The following CFAP20DC variants were observed in gnomAD, a reference collection of about 807,000 sequenced individuals.
CFAP20DC encodes the protein protein CFAP20DC.
In CFAP20DC, 84 loss-of-function variants were observed where a neutral mutation model predicts 101.7. The ratio of observed to expected loss-of-function variants is 0.83; its 90% CI spans 0.69 to 0.99. The LOEUF (loss-of-function observed/expected upper bound fraction) is 0.99, where lower values mean the gene tolerates loss of function less well. CFAP20DC is among the 50% of genes least tolerant of loss of function. The pLI, the probability that CFAP20DC is intolerant of heterozygous loss-of-function variation, is 0.00. For missense variants in CFAP20DC, 1,007 were observed against 970.3 expected (o/e 1.04, Z -0.50); for synonymous variants, 359 against 351.2 (o/e 1.02, Z -0.25).
intron 13 of CFAP20DC, among the ~76,000 whole-genome samples, chr3:58,836,155 C>G (rs1559674571): frequency 6.6e-6 from 1 of 152,116 alleles, no homozygotes; most frequent in African/African-American, 2.4e-5. Context: ...AGTGAAGTTA[C>G]AAAGACAATT....
At position 59,002,637 on chromosome 3, in the gene CFAP20DC, T is replaced by C. The variant is rs1313982984; in HGVS notation, c.278+36920A>G. On this transcript the variant is annotated intron_variant, in intron 4 of 16. Transcript: ENST00000482387. This position sits in a 1 kb window ranked among gnomAD's most constrained non-coding sequence, Gnocchi z 4.5. ...TCTCAACCACAAATCTGATCTGATA[T>C]GTCTGGTGTTATCTCCAAGTGCAGC... Among the ~76,000 whole-genome samples the C allele has an allele frequency of 1.3e-5, 2 of 152,230 alleles. No homozygotes were observed. The highest frequency in any genetic ancestry group is 2.4e-5 in the African/African-American group (1 of 41,464).
At chr3:58,936,118 T>G (rs2087559377) in intron 5 of CFAP20DC, among the ~76,000 whole-genome samples, 1 of 152,038 alleles carries the variant, frequency 6.6e-6, no homozygotes, top group Non-Finnish European at 1.5e-5. Context: ...GCGAAGGACA[T>G]GAACAGACAC....
At chr3:58,809,284 T>C (rs2074396080) in intron 14 of CFAP20DC, among the ~76,000 whole-genome samples, 3 of 152,092 alleles carry the variant, frequency 2.0e-5, no homozygotes, top group Admixed American at 6.5e-5. Flanking sequence ...TATTCCAAAA[T>C]TGACCCCATA....
At chr3:58,886,389 G>T (rs2081628083) in intron 6 of CFAP20DC, among the ~76,000 whole-genome samples, 1 of 151,946 alleles carries the variant, frequency 6.6e-6, no homozygotes, top group Non-Finnish European at 1.5e-5. Context: ...GAAAAAAACA[G>T]ATACAAAAAA....
chr3:58,831,292 G>C (rs1045231775), intron 14 of CFAP20DC, among the ~76,000 whole-genome samples: 3 of 152,168 alleles, frequency 2.0e-5, no homozygotes, highest in Non-Finnish European at 4.4e-5. Context: ...AGCAATACTT[G>C]TGTATCTATA....
intron 7 of CFAP20DC, among the ~76,000 whole-genome samples, chr3:58,872,095 C>A (rs1158000359): frequency 2.6e-5 from 4 of 152,178 alleles, no homozygotes; most frequent in Non-Finnish European, 5.9e-5. Flanking sequence ...ACTAACAGGG[C>A]AGGTGAGGGT....
At chr3:58,759,265 G>C (rs989116433) in intron 15 of CFAP20DC, among the ~76,000 whole-genome samples, 40 of 152,294 alleles carry the variant, frequency 2.6e-4, no homozygotes, top group African/African-American at 9.1e-4. Flanking sequence ...TTGTGGTTTT[G>C]ATTTGCATTT....
At chr3:58,757,677 T>C (rs1208597628) in intron 15 of CFAP20DC, among the ~76,000 whole-genome samples, 1 of 152,100 alleles carries the variant, frequency 6.6e-6, no homozygotes, top group Non-Finnish European at 1.5e-5. Flanking sequence ...CACAATTAGA[T>C]TTCTGGTCCA....
chr3:59,046,621 A>G (rs1317010880), intron 2 of CFAP20DC, among the ~76,000 whole-genome samples: 1 of 152,158 alleles, frequency 6.6e-6, no homozygotes, highest in Non-Finnish European at 1.5e-5. Flanking sequence ...TAAATTAATT[A>G]AATCAATAAA....
intron 13 of CFAP20DC, among the ~76,000 whole-genome samples, chr3:58,848,052 G>A (rs1450330180): frequency 1.3e-4 from 18 of 138,028 alleles, no homozygotes; most frequent in Non-Finnish European, 2.6e-4. Context: ...AGCATCGGGA[G>A]ATATACCTAA....
At chr3:58,740,002 G>T (rs2067845671), downstream of CFAP20DC, among the ~76,000 whole-genome samples, 1 of 152,210 alleles carries the variant, frequency 6.6e-6, no homozygotes, top group Non-Finnish European at 1.5e-5. This position sits in a 1 kb window ranked among gnomAD's most constrained non-coding sequence, Gnocchi z 4.6. Flanking sequence ...AGAGGGTCCT[G>T]GTGGCCCCTG....
chr3:58,759,366 C>A (rs1475026060), intron 15 of CFAP20DC, among the ~76,000 whole-genome samples: 1 of 152,186 alleles, frequency 6.6e-6, no homozygotes, highest in African/African-American at 2.4e-5. Flanking sequence ...ATATCCTTCA[C>A]CCACTTGTTG....
intron 12 of CFAP20DC, among the ~76,000 whole-genome samples, chr3:58,855,389 G>T (rs1303123100): frequency 6.6e-6 from 1 of 152,090 alleles, no homozygotes; most frequent in Non-Finnish European, 1.5e-5. Context: ...ACTGTTGCTG[G>T]GACTGTAAAC....
At chr3:58,875,192 C>T (rs1190142530) in intron 7 of CFAP20DC, among the ~76,000 whole-genome samples, 1 of 152,166 alleles carries the variant, frequency 6.6e-6, no homozygotes, top group Non-Finnish European at 1.5e-5. Context: ...TTGGATTACA[C>T]ATGAAATTTC....
chr3:58,906,300 C>T (rs1301337232), intron 6 of CFAP20DC, among the ~76,000 whole-genome samples: 1 of 152,152 alleles, frequency 6.6e-6, no homozygotes, highest in Admixed American at 6.6e-5. Flanking sequence ...CTCAATTTGT[C>T]CTATACTATG....
rs2081293361 is a variant in CFAP20DC, at chr3:58,882,389, A to T, written c.715+2156T>A. 6.6e-6 allele frequency among the ~76,000 whole-genome samples: 1 copy of T among 152,182 alleles called. No individual in the cohort carries two copies. Among genetic ancestry groups the T allele is most frequent in the Admixed American group, 6.5e-5 (1 of 15,272 alleles). On this transcript the variant is annotated intron_variant, in intron 7 of 16. Coordinates refer to ENST00000482387, the MANE Select transcript of CFAP20DC (RefSeq NM_001394063.1). This position sits in a 1 kb window ranked among gnomAD's most constrained non-coding sequence, Gnocchi z 4.2. ...ATTTAAATTGAAAAAGACACTTAAAATATCGGGATATAGACTTGCACTTTC... is the reference window on the plus strand; with the variant it reads ...ATTTAAATTGAAAAAGACACTTAAATTATCGGGATATAGACTTGCACTTTC...
In CFAP20DC at chr3:58,734,411, C is replaced by A. The variant is rs558947444; in HGVS notation, c.198-16783G>T. ...CCAGAGTTCCAAACCTGAAAGTCCT[C>A]GGTCTGACAGGCCTAGGCTTAAATA... On this transcript the variant is annotated intron_variant, in intron 3 of 3. Coordinates refer to the CFAP20DC transcript ENST00000486145. 253 of 372,724 alleles carry A rather than the reference C, an allele frequency of 6.8e-4. 2 individuals carry two copies. Among genetic ancestry groups the A allele is most frequent in the African/African-American group, 4.6e-3 (216 of 47,092 alleles). The allele number at this position is 372,724 out of a possible 1,614,324, so 23.1% of individuals were successfully genotyped here. A position where few individuals can be genotyped will look rare whatever the true frequency, so the allele number is the denominator to read the frequency against.
intron 3 of CFAP20DC, among the ~76,000 whole-genome samples, chr3:59,043,394 T>C (rs1699576777): frequency 6.6e-6 from 1 of 151,716 alleles, no homozygotes; most frequent in Non-Finnish European, 1.5e-5. Flanking sequence ...GATGCTAATA[T>C]GTGAAGTAAG....
intron 4 of CFAP20DC, chr3:59,019,018 G>C (rs1320196315): frequency 6.6e-6 from 1 of 151,992 alleles, no homozygotes; most frequent in Non-Finnish European, 1.5e-5. Flanking sequence ...ATGCGTGAAA[G>C]GTATATGGTA....
Sources: allele counts gnomAD v4.1 joint callset (sites outside exome capture counted in the v4.1 genomes callset), GRCh38; gene constraint gnomAD v4.1.1; non-coding constraint Gnocchi (gnomAD v3.1); transcripts MANE v1.5; gene names NCBI Gene and HGNC (gene_info 2026-07-23, HGNC 2026-07-21).